Variants in BLACAT1 observed in about 807,000 individuals in gnomAD.
The protein encoded by BLACAT1 is BLACAT1 overlapping LEMD1 locus.
At chr1:205,438,520 T>A (rs567310242), downstream of BLACAT1, among the ~76,000 whole-genome samples, 1 of 152,316 alleles carries the variant, frequency 6.6e-6, no homozygotes, top group African/African-American at 2.4e-5. Flanking sequence ...AGGGCACAGG[T>A]GTCCAGACTG....
chr1:205,435,374 C>T (rs1022899423), downstream of BLACAT1: 1 of 152,174 alleles, frequency 6.6e-6, no homozygotes, highest in Non-Finnish European at 1.5e-5. Context: ...AACAGAAATC[C>T]TTTCATTAGA....
At chr1:205,455,816 G>C (rs1230683054) in intron 1 of BLACAT1, 101 bp downstream of exon 1, 2 of 152,164 alleles carry the variant, frequency 1.3e-5, no homozygotes. Context: ...AGCCCGGGGC[G>C]GGGAGGAAAG....
intron 1 of BLACAT1, chr1:205,449,757 C>T (rs1023902308): frequency 6.5e-6 from 1 of 153,102 alleles, no homozygotes; most frequent in Non-Finnish European, 1.5e-5. Flanking sequence ...CATGGGCCCC[C>T]AGAACCCCAG....
chr1:205,452,917 A>G (rs1361961447), intron 1 of BLACAT1, among the ~76,000 whole-genome samples: 1 of 152,234 alleles, frequency 6.6e-6, no homozygotes, highest in Non-Finnish European at 1.5e-5. Flanking sequence ...TGGCTGATAA[A>G]GCTTGGAAAC....
At position 205,448,769 on chromosome 1, in the gene BLACAT1, C is replaced by T. The variant is rs1303001648; in HGVS notation, c.-37+7148G>A. Among the ~76,000 whole-genome samples the T allele has an allele frequency of 6.6e-6, 1 of 152,152 alleles. No homozygotes were observed. The highest frequency in any genetic ancestry group is 1.5e-5 in the Non-Finnish European group (1 of 68,018). On this transcript the variant is annotated intron_variant, in intron 1 of 1. Transcript: ENST00000629624. This position sits in a 1 kb window ranked among gnomAD's most constrained non-coding sequence, Gnocchi z 4.7. ...CCGGATCTTTTCAAGGCTGCTGCTGCCAGTACCCAGGATGGGGGGCCCCAG... is the reference window on the plus strand; with the variant it reads ...CCGGATCTTTTCAAGGCTGCTGCTGTCAGTACCCAGGATGGGGGGCCCCAG...
At chr1:205,455,068 C>CG (rs1471960095) in intron 1 of BLACAT1, among the ~76,000 whole-genome samples, 8 of 152,216 alleles carry the variant, frequency 5.3e-5, no homozygotes, top group East Asian at 1.9e-4. Context: ...TCTTGTTCCC[C>CG]GGGGGCACCC....
downstream of BLACAT1, chr1:205,435,276 G>T (rs1666188187): frequency 6.6e-6 from 1 of 152,204 alleles, no homozygotes; most frequent in Non-Finnish European, 1.5e-5. Context: ...TAGCACCATT[G>T]ACTCTCAGGG....
chr1:205,448,163 G>T lies in BLACAT1; in HGVS notation c.-36-7101C>A. 1 of 389,604 alleles carries T rather than the reference G, an allele frequency of 2.6e-6. No homozygotes were observed. The allele number at this position is 389,604 out of a possible 1,614,324, so 24.1% of individuals were successfully genotyped here. On this transcript the variant is annotated intron_variant, in intron 1 of 1. Transcript: ENST00000629624. This position sits in a 1 kb window ranked among gnomAD's most constrained non-coding sequence, Gnocchi z 4.7. ...ACAGGGCCAGAAGGGAAGTGACTGG[G>T]CCAAGGTCACACGGCTTAGCCCCGA...
rs145472511 is a variant in BLACAT1 at position 205,450,369 on chromosome 1, G to A, written c.-37+5548C>T. On this transcript the variant is annotated intron_variant, in intron 1 of 1. Coordinates refer to ENST00000629624, the Ensembl canonical transcript of BLACAT1. The surrounding 1 kb of genome is among the most constrained non-coding windows in gnomAD (Gnocchi z 4.4). ...CCTTTCTCTCCTTCCTTCCCCTGCC[G>A]CTCCCCTCCAGCTTTTTTATAGTTT... 8.9e-4 allele frequency among the ~76,000 whole-genome samples: 106 copies of A among 118,832 alleles called. 1 individual carries two copies. Among genetic ancestry groups the A allele is most frequent in the African/African-American group, 3.3e-3 (103 of 31,104 alleles). 78.0% of individuals were successfully genotyped at this position (118,832 alleles called of 152,430 possible).
At chr1:205,454,004 C>T (rs1666531068) in intron 1 of BLACAT1, among the ~76,000 whole-genome samples, 2 of 152,210 alleles carry the variant, frequency 1.3e-5, no homozygotes, top group Admixed American at 1.3e-4. Flanking sequence ...GGTGATGGTG[C>T]CCCAGCCCAA....
chr1:205,454,343 G>A (rs978992233), intron 1 of BLACAT1, among the ~76,000 whole-genome samples: 6 of 152,062 alleles, frequency 3.9e-5, no homozygotes, highest in Non-Finnish European at 8.8e-5. Flanking sequence ...CCCTAGTTGA[G>A]GGTCTCTCCT....
exon 2 of BLACAT1, chr1:205,440,917 G>A (rs1464244844): frequency 1.3e-5 from 2 of 152,296 alleles, no homozygotes; most frequent in African/African-American, 4.8e-5. Flanking sequence ...GAGGGGCCCT[G>A]GTTCTGATCA....
chr1:205,452,645 T>G (rs1276570771), intron 1 of BLACAT1, among the ~76,000 whole-genome samples: 1 of 152,184 alleles, frequency 6.6e-6, no homozygotes, highest in Non-Finnish European at 1.5e-5. Flanking sequence ...CTCCAAAATT[T>G]CATGAGTCTA....
At chr1:205,449,846 G>C (rs1666464430) in intron 1 of BLACAT1, 1 of 152,556 alleles carries the variant, frequency 6.6e-6, no homozygotes, top group African/African-American at 2.4e-5. Flanking sequence ...GCCAGGGGCT[G>C]GGGGTCCCAG....
rs974387125 is a variant in BLACAT1 at position 205,450,611 on chromosome 1, C to G, written c.-37+5306G>C. On this transcript the variant is annotated intron_variant, in intron 1 of 1. Coordinates refer to ENST00000629624, the Ensembl canonical transcript of BLACAT1. This position sits in a 1 kb window ranked among gnomAD's most constrained non-coding sequence, Gnocchi z 4.4. ...CTGGCCCCCTCCACCCACCCTCACCCAGTCCTGCGCTCGGATTCCCAGCCA... is the reference window on the plus strand; with the variant it reads ...CTGGCCCCCTCCACCCACCCTCACCGAGTCCTGCGCTCGGATTCCCAGCCA... 2.0e-5 allele frequency among the ~76,000 whole-genome samples: 3 copies of G among 152,238 alleles called. No homozygotes were observed. The highest frequency in any genetic ancestry group is 6.5e-5 in the Admixed American group (1 of 15,302).
At chr1:205,445,604 A>C (rs1466345741) in intron 1 of BLACAT1, among the ~76,000 whole-genome samples, 1 of 152,094 alleles carries the variant, frequency 6.6e-6, no homozygotes, top group African/African-American at 2.4e-5. Flanking sequence ...ACTTTTCCAG[A>C]CTGCAAGGGC....
chr1:205,454,549 T>TGTGTGTGA (rs1246150219), intron 1 of BLACAT1, among the ~76,000 whole-genome samples: 24 of 147,306 alleles, frequency 1.6e-4, no homozygotes, highest in African/African-American at 5.5e-4. Context: ...TGTGTGTGTG[T>TGTGTGTGA]GAGAGAGAGA....
At chr1:205,439,907 A>G (rs1040859396), downstream of BLACAT1, among the ~76,000 whole-genome samples, 1 of 145,620 alleles carries the variant, frequency 6.9e-6, no homozygotes, top group Middle Eastern at 3.5e-3. Context: ...TTTGCTTCCT[A>G]CCTCCTGGAA....
rs752882691 is a variant in BLACAT1, at chr1:205,448,393, A to T, written c.-36-7331T>A. On this transcript the variant is annotated intron_variant, in intron 1 of 1. Coordinates refer to ENST00000629624, the Ensembl canonical transcript of BLACAT1. The surrounding 1 kb of genome is among the most constrained non-coding windows in gnomAD (Gnocchi z 4.7). Reference sequence around the variant, plus strand: ...GGAATGAAAAGCCATAGGCCACAGCAGAGTGGAGGGGTCCAGCGGCAGGAA... The same window carrying T: ...GGAATGAAAAGCCATAGGCCACAGCTGAGTGGAGGGGTCCAGCGGCAGGAA... 2 of 534,358 alleles carry T rather than the reference A, an allele frequency of 3.7e-6. No homozygotes were observed. The highest frequency in any genetic ancestry group is 7.7e-6 in the Non-Finnish European group (2 of 260,008). 33.1% of individuals were successfully genotyped at this position (534,358 alleles called of 1,614,324 possible).
Sources: allele counts gnomAD v4.1 joint callset (sites outside exome capture counted in the v4.1 genomes callset), GRCh38; gene constraint gnomAD v4.1.1; non-coding constraint Gnocchi (gnomAD v3.1); transcripts MANE v1.5; gene names NCBI Gene and HGNC (gene_info 2026-07-23, HGNC 2026-07-21).